The following MOB3B variants were observed in gnomAD, a reference collection of about 807,000 sequenced individuals.
MOB3B encodes MOB kinase activator 3B.
In MOB3B, 7 loss-of-function variants were observed where a neutral mutation model predicts 18.7. The ratio of observed to expected loss-of-function variants is 0.37; its 90% CI spans 0.21 to 0.70. The LOEUF (loss-of-function observed/expected upper bound fraction) is 0.70, where lower values mean the gene tolerates loss of function less well. MOB3B is among the 30% of genes least tolerant of loss of function. MOB3B has a pLI of 0.52. For missense variants in MOB3B, 253 were observed against 281.3 expected (o/e 0.90, Z 0.72); for synonymous variants, 111 against 99.9 (o/e 1.11, Z -0.66).
chr9:27,448,789 T>C (rs1822736037), intron 2 of MOB3B, among the ~76,000 whole-genome samples: 1 of 152,060 alleles, frequency 6.6e-6, no homozygotes, highest in Admixed American at 6.6e-5. Flanking sequence ...ATCCCACAGG[T>C]GGATTGAATT....
chr9:27,415,620 T>C (rs932419148), intron 2 of MOB3B, among the ~76,000 whole-genome samples: 1 of 152,192 alleles, frequency 6.6e-6, no homozygotes, highest in Non-Finnish European at 1.5e-5. Flanking sequence ...TTTATATCAG[T>C]GTAAATTTTG....
intron 2 of MOB3B, among the ~76,000 whole-genome samples, chr9:27,448,633 A>G (rs980811530): frequency 2.6e-5 from 4 of 152,226 alleles, no homozygotes; most frequent in African/African-American, 9.7e-5. Flanking sequence ...TATGGGAGCT[A>G]CAATTCAAGA....
chr9:27,368,099 A>C (rs969798010), intron 2 of MOB3B, among the ~76,000 whole-genome samples: 3 of 152,188 alleles, frequency 2.0e-5, no homozygotes, highest in Admixed American at 6.5e-5. Flanking sequence ...GTGGAAAAAG[A>C]AAACATACCT....
intron 1 of MOB3B, among the ~76,000 whole-genome samples, chr9:27,512,167 G>C (rs1212519287): frequency 1.3e-5 from 2 of 152,130 alleles, no homozygotes; most frequent in African/African-American, 4.8e-5. Context: ...CCTGACCACT[G>C]CTTATAAGAG....
intron 2 of MOB3B, among the ~76,000 whole-genome samples, chr9:27,391,380 T>A (rs1356553800): frequency 1.3e-5 from 2 of 152,180 alleles, no homozygotes; most frequent in Non-Finnish European, 2.9e-5. Context: ...AAAAGGTCCC[T>A]AGGGGAAGGG....
chr9:27,454,549 G>C (rs969609118), intron 2 of MOB3B, among the ~76,000 whole-genome samples: 3 of 152,210 alleles, frequency 2.0e-5, no homozygotes, highest in African/African-American at 7.2e-5. Context: ...GTAGCACAAA[G>C]CAAACAAACT....
chr9:27,510,995 T>G (rs1231285644), intron 1 of MOB3B, among the ~76,000 whole-genome samples: 1 of 152,104 alleles, frequency 6.6e-6, no homozygotes. Flanking sequence ...CCAGGTCCCA[T>G]AAGTCAGGTC....
chr9:27,385,722 A>G (rs987993530), intron 2 of MOB3B, among the ~76,000 whole-genome samples: 1 of 152,236 alleles, frequency 6.6e-6, no homozygotes, highest in African/African-American at 2.4e-5. Flanking sequence ...GCCCTAATGG[A>G]TTCTGGCAGA....
In MOB3B at chr9:27,477,906, C is replaced by G. The variant is rs77283585; in HGVS notation, c.-198-22158G>C. Among the ~76,000 whole-genome samples the G allele has an allele frequency of 4.8e-3, 732 of 152,290 alleles. 6 individuals carry two copies. Among genetic ancestry groups the G allele is most frequent in the African/African-American group, 0.017 (702 of 41,562 alleles). On this transcript the variant is annotated intron_variant, in intron 1 of 3. Transcript: ENST00000262244. ...GCTCATGCAAGGTAAGATGCTGGAA[C>G]TGACATAACTGCATCAAGTCAGAAT...
chr9:27,497,974 A>G (rs750762024), intron 1 of MOB3B, among the ~76,000 whole-genome samples: 3 of 152,230 alleles, frequency 2.0e-5, no homozygotes, highest in Non-Finnish European at 2.9e-5. Flanking sequence ...CCTTGGTGCT[A>G]TGCACAGTGA....
intron 1 of MOB3B, among the ~76,000 whole-genome samples, chr9:27,456,099 C>T (rs1293324736): frequency 6.6e-6 from 1 of 152,098 alleles, no homozygotes; most frequent in African/African-American, 2.4e-5. Flanking sequence ...AGAGCCCCAC[C>T]CCCCAACAAC....
At position 27,409,148 on chromosome 9, in the gene MOB3B, C is replaced by T. The variant is rs118189092; in HGVS notation, c.418+45985G>A. ...AGCTAGAAAGTGATGGACTGGAATCCGTCCATTCAACAGATATTATTCATG... is the reference window on the plus strand; with the variant it reads ...AGCTAGAAAGTGATGGACTGGAATCTGTCCATTCAACAGATATTATTCATG... On this transcript the variant is annotated intron_variant, in intron 2 of 3. Coordinates refer to ENST00000262244, the MANE Select transcript of MOB3B (RefSeq NM_024761.5). Among the ~76,000 whole-genome samples the T allele has an allele frequency of 2.8e-3, 420 of 152,220 alleles. 5 individuals are homozygous for T. Among genetic ancestry groups the T allele is most frequent in the East Asian group, 0.027 (139 of 5,182 alleles).
rs113832344 is a variant in MOB3B, at chr9:27,525,001, C to A, written c.-199+4554G>T. On this transcript the variant is annotated intron_variant, in intron 1 of 3. Transcript: ENST00000262244. ...TTAAAATTCCTTTTCCCTCCGAAATCTCTTTCTCCTTCTCCTCCTCCAACT... is the reference window on the plus strand; with the variant it reads ...TTAAAATTCCTTTTCCCTCCGAAATATCTTTCTCCTTCTCCTCCTCCAACT... 13 of 1,465,338 alleles carry A rather than the reference C, an allele frequency of 8.9e-6. No individual in the cohort carries two copies. The African/African-American group carries it at 1.3e-4, about 14-fold the overall frequency. The allele number at this position is 1,465,338 out of a possible 1,614,324, so 90.8% of individuals were successfully genotyped here.
At chr9:27,491,585 A>G (rs182157633) in intron 1 of MOB3B, among the ~76,000 whole-genome samples, 18 of 152,308 alleles carry the variant, frequency 1.2e-4, no homozygotes, top group Admixed American at 1.1e-3. Context: ...TTAAAAATCA[A>G]TATAGGTGGT....
intron 2 of MOB3B, among the ~76,000 whole-genome samples, chr9:27,406,895 A>G (rs1587188571): frequency 6.6e-6 from 1 of 151,686 alleles, no homozygotes; most frequent in East Asian, 1.9e-4. Flanking sequence ...CTGGAGTGCA[A>G]TGGCATGATC....
intron 1 of MOB3B, among the ~76,000 whole-genome samples, chr9:27,474,583 G>T (rs1375256578): frequency 6.6e-6 from 1 of 152,138 alleles, no homozygotes; most frequent in Non-Finnish European, 1.5e-5. Flanking sequence ...TAGAACCTTC[G>T]TATCATTCCT....
At chr9:27,338,432 C>A (rs770385339) in intron 3 of MOB3B, among the ~76,000 whole-genome samples, 7 of 152,150 alleles carry the variant, frequency 4.6e-5, no homozygotes, top group Non-Finnish European at 1.0e-4. Flanking sequence ...TAAGAATTTG[C>A]CCTGGCAGCT....
intron 2 of MOB3B, among the ~76,000 whole-genome samples, chr9:27,411,185 G>C (rs557188956): frequency 3.0e-4 from 45 of 152,210 alleles, no homozygotes; most frequent in South Asian, 1.0e-3. Context: ...CTTCTTTCCT[G>C]GTAGCTGTAC....
At chr9:27,347,561 G>A (rs559559975) in intron 3 of MOB3B, among the ~76,000 whole-genome samples, 1 of 152,304 alleles carries the variant, frequency 6.6e-6, no homozygotes, top group East Asian at 1.9e-4. Context: ...TGCCAGCAGG[G>A]GGTAACAAAA....
Sources: gnomAD v4.1 joint callset for allele counts (sites outside exome capture counted in the v4.1 genomes callset) on GRCh38, gnomAD v4.1.1 for gene constraint, MANE v1.5 for transcripts, NCBI Gene and HGNC (gene_info 2026-07-23, HGNC 2026-07-21) for gene names.